RASA3: variants seen among roughly 807,000 people sequenced by gnomAD.
The protein encoded by RASA3 is ras GTPase-activating protein 3.
RASA3 carries 73 observed loss-of-function variants against 110.0 expected under a neutral mutation model. The ratio of observed to expected loss-of-function variants is 0.66; its 90% CI spans 0.55 to 0.81. The LOEUF is 0.81. Among genes scored for constraint, RASA3 ranks in the 30% least tolerant of loss-of-function variants. The probability of loss-of-function intolerance (pLI) is 0.00; values close to 1 mark genes in which losing one functional copy is unlikely to be tolerated. For synonymous variants in RASA3, 500 were observed against 451.4 expected (o/e 1.11, Z -1.37); for missense variants, 976 against 1,113.2 (o/e 0.88, Z 1.75).
At position 114,016,381 on chromosome 13, in the gene RASA3, G is replaced by A. The variant is rs1594327707; in HGVS notation, c.1207-110C>T. ...AGATGTAGACCCTGAGCCTCATCCA[G>A]AAAATGCCACGACAGCTCCCCGAAC... On this transcript the variant is annotated intron_variant, in intron 12 of 23. Coordinates refer to ENST00000334062, the MANE Select transcript of RASA3 (RefSeq NM_007368.4). 3 of 858,860 alleles carry A rather than the reference G, an allele frequency of 3.5e-6. No homozygotes were observed. In the East Asian group the frequency reaches 7.9e-5, roughly 23 times the overall value. 53.2% of individuals were successfully genotyped at this position (858,860 alleles called of 1,614,324 possible). A position where few individuals can be genotyped will look rare whatever the true frequency, so the allele number is the denominator to read the frequency against.
intron 7 of RASA3, 52 bp from the exon 8 acceptor site, chr13:114,024,407 G>A (rs1446642552): frequency 1.3e-6 from 2 of 1,545,246 alleles, no homozygotes; most frequent in Admixed American, 1.7e-5. Flanking sequence ...ACCAGGCGGG[G>A]GTATATGCGG....
chr13:114,019,267 A>G (rs1387421203), intron 9 of RASA3, among the ~76,000 whole-genome samples: 1 of 152,230 alleles, frequency 6.6e-6, no homozygotes, highest in East Asian at 1.9e-4. Flanking sequence ...GCAGGTGGAA[A>G]TGAAAATTAT....
chr13:114,056,512 C>CG lies in RASA3; in HGVS notation c.174-4358dup, dbSNP rs1173323202. 1.0e-6 allele frequency: 1 copy of CG among 985,022 alleles called. No individual in the cohort carries two copies. Among genetic ancestry groups the CG allele is most frequent in the African/African-American group, 1.8e-5 (1 of 57,120 alleles). 61.0% of individuals were successfully genotyped at this position (985,022 alleles called of 1,614,324 possible). On this transcript the variant is annotated intron_variant, in intron 2 of 23. Coordinates refer to ENST00000334062, the MANE Select transcript of RASA3 (RefSeq NM_007368.4). The surrounding 1 kb of genome is among the most constrained non-coding windows in gnomAD (Gnocchi z 5.7). ...GGCGTCCCTGGGCGCTGCCCGGTAG[C>CG]GGGGTGTTCAGTTGCTCTGCCAAAG...
intron 4 of RASA3, among the ~76,000 whole-genome samples, chr13:114,037,950 G>A (rs1355696460): frequency 4.0e-5 from 6 of 151,850 alleles, no homozygotes; most frequent in South Asian, 2.1e-4. Flanking sequence ...CCTTCCGTTC[G>A]GGGGAGCCGG....
At chr13:114,078,667 A>G (rs2079731923) in intron 1 of RASA3, among the ~76,000 whole-genome samples, 1 of 152,146 alleles carries the variant, frequency 6.6e-6, no homozygotes, top group Admixed American at 6.5e-5. Flanking sequence ...CTGATTTCCA[A>G]CTCCAGGGAT....
intron 1 of RASA3, among the ~76,000 whole-genome samples, chr13:114,130,688 T>TGAAGTGTAGCCC (rs1450182258): frequency 3.3e-5 from 5 of 152,216 alleles, no homozygotes; most frequent in Non-Finnish European, 4.4e-5. Flanking sequence ...TGCCGTGGCC[T>TGAAGTGTAGCCC]GAAGTGTAGC....
intron 20 of RASA3, among the ~76,000 whole-genome samples, 195 bp downstream of exon 20, chr13:113,999,390 T>C (rs1219862620): frequency 1.3e-5 from 2 of 151,488 alleles, no homozygotes; most frequent in Admixed American, 1.3e-4. Context: ...GCACAGAGAG[T>C]GTGGCTGCTT....
At chr13:113,980,291 CT>C (rs1409692381) in intron 23 of RASA3, among the ~76,000 whole-genome samples, 3 of 146,304 alleles carry the variant, frequency 2.1e-5, no homozygotes, top group Admixed American at 2.1e-4. Flanking sequence ...ACGTGTGCAC[CT>C]TCTGCCATGT....
rs1221558039 is a variant in RASA3 at position 114,065,748 on chromosome 13, C to A, written c.173+7972G>T. Among the ~76,000 whole-genome samples the A allele has an allele frequency of 6.6e-6, 1 of 151,944 alleles. No homozygotes were observed. The highest frequency in any genetic ancestry group is 1.5e-5 in the Non-Finnish European group (1 of 67,988). Reference sequence around the variant, plus strand: ...CTCCCAGAGGTCAGAGGCTGGAGGGCAGGGGTCCGTGGTCAGCTCACAGCC... The same window carrying A: ...CTCCCAGAGGTCAGAGGCTGGAGGGAAGGGGTCCGTGGTCAGCTCACAGCC... On this transcript the variant is annotated intron_variant, in intron 2 of 23. Coordinates refer to ENST00000334062, the MANE Select transcript of RASA3 (RefSeq NM_007368.4). This position sits in a 1 kb window ranked among gnomAD's most constrained non-coding sequence, Gnocchi z 4.1.
At chr13:114,100,700 G>C (rs1462977792) in intron 1 of RASA3, among the ~76,000 whole-genome samples, 1 of 152,174 alleles carries the variant, frequency 6.6e-6, no homozygotes, top group Non-Finnish European at 1.5e-5. Context: ...GAAAATCCCA[G>C]GCTGGTTCGG....
chr13:114,047,494 G>C (rs1415106824), intron 3 of RASA3, among the ~76,000 whole-genome samples: 1 of 152,228 alleles, frequency 6.6e-6, no homozygotes, highest in East Asian at 1.9e-4. Context: ...CGGTTGGGTA[G>C]TTTTAATGAA....
chr13:114,090,213 G>A (rs982639240), intron 1 of RASA3, among the ~76,000 whole-genome samples: 4 of 152,198 alleles, frequency 2.6e-5, no homozygotes, highest in African/African-American at 4.8e-5. Flanking sequence ...GGAGCCACCC[G>A]GCTGCCTGCC....
chr13:114,111,020 T>C lies in RASA3; in HGVS notation c.55+21415A>G, dbSNP rs1594467574. ...AAAAAAAAAACCTAAAACTGCAACA[T>C]GGAACGGCACAAACGAGCTGCAGGC... On this transcript the variant is annotated intron_variant, in intron 1 of 23. Coordinates refer to ENST00000334062, the MANE Select transcript of RASA3 (RefSeq NM_007368.4). Among the ~76,000 whole-genome samples, 6 of 149,782 alleles carry C rather than the reference T, an allele frequency of 4.0e-5. No homozygotes were observed. In the South Asian group the frequency reaches 1.3e-3, roughly 31 times the overall value.
chr13:114,000,388 C>G (rs1352796979), intron 19 of RASA3, among the ~76,000 whole-genome samples: 1 of 152,128 alleles, frequency 6.6e-6, no homozygotes, highest in East Asian at 1.9e-4. Context: ...GAACATGTTC[C>G]CGTTCTGGGA....
intron 1 of RASA3, among the ~76,000 whole-genome samples, chr13:114,080,801 C>T (rs558410407): frequency 6.0e-4 from 79 of 132,036 alleles, no homozygotes; most frequent in African/African-American, 2.4e-3. Flanking sequence ...GTCTTCTGTT[C>T]AGTGTCCTGC....
intron 1 of RASA3, among the ~76,000 whole-genome samples, chr13:114,098,398 T>A (rs1170801891): frequency 6.6e-6 from 1 of 151,960 alleles, no homozygotes; most frequent in Non-Finnish European, 1.5e-5. Flanking sequence ...ACCAGCGACA[T>A]CCAGGGGTCT....
intron 4 of RASA3, among the ~76,000 whole-genome samples, chr13:114,033,147 ACCCCACGGCACCCCCACACTGACACCACG>A (rs2054207055): frequency 1.7e-4 from 5 of 29,124 alleles, no homozygotes; most frequent in Admixed American, 5.0e-4. Context: ...CTGACACCAC[ACCCCACGGCACCCCCACACTGACACCACG>A]CCCCACGGCA....
At chr13:113,998,647 A>G (rs2053311202) in intron 20 of RASA3, among the ~76,000 whole-genome samples, 1 of 152,220 alleles carries the variant, frequency 6.6e-6, no homozygotes, top group South Asian at 2.1e-4. Context: ...CACAATGGTG[A>G]CGCCACGGAC....
At chr13:114,090,823 A>G (rs1442354882) in intron 1 of RASA3, among the ~76,000 whole-genome samples, 1 of 152,224 alleles carries the variant, frequency 6.6e-6, no homozygotes, top group Non-Finnish European at 1.5e-5. Context: ...AGAAAATACA[A>G]GAGGTTCCAG....
Sources: allele counts gnomAD v4.1 joint callset (sites outside exome capture counted in the v4.1 genomes callset), GRCh38; gene constraint gnomAD v4.1.1; non-coding constraint Gnocchi (gnomAD v3.1); transcripts MANE v1.5; gene names NCBI Gene and HGNC (gene_info 2026-07-23, HGNC 2026-07-21).